Variants in DPP6 observed in about 807,000 individuals in gnomAD.
DPP6 encodes A-type potassium channel modulatory protein DPP6.
Under a neutral mutation model 122.6 loss-of-function variants are expected in DPP6, and 69 were observed. The ratio of observed to expected loss-of-function variants is 0.56; its 90% CI spans 0.46 to 0.69. The LOEUF is 0.69. DPP6 is among the 30% of genes least tolerant of loss of function. DPP6 has a pLI of 0.00. For missense variants in DPP6, 928 were observed against 1,116.9 expected, an observed-to-expected ratio of 0.83 and a Z score of 2.41; for synonymous variants, 418 against 433.1, an observed-to-expected ratio of 0.97 and a Z score of 0.43.
At chr7:153,890,476 G>A (rs762886018) in intron 1 of DPP6, among the ~76,000 whole-genome samples, 19 of 152,194 alleles carry the variant, frequency 1.2e-4, no homozygotes, top group South Asian at 4.2e-4. Context: ...CCTCCCGGCT[G>A]GTCCTTGCCA....
the DPP6 span, among the ~76,000 whole-genome samples, chr7:153,808,873 A>T: frequency 6.6e-6 from 1 of 152,064 alleles, no homozygotes. Flanking sequence ...TCTCTTTGAG[A>T]TAATGATTTC....
intron 16 of DPP6, among the ~76,000 whole-genome samples, chr7:154,843,016 G>A (rs1801673682): frequency 6.6e-6 from 1 of 152,212 alleles, no homozygotes; most frequent in Non-Finnish European, 1.5e-5. Context: ...GTGAATTTGG[G>A]AACACGCACA....
the DPP6 span, among the ~76,000 whole-genome samples, chr7:153,811,537 G>A: frequency 1.3e-5 from 2 of 152,136 alleles, no homozygotes; most frequent in East Asian, 1.9e-4. Context: ...ACTTCTTCAG[G>A]GACCCTCTGC....
At chr7:154,537,991 A>G (rs1828401098) in intron 3 of DPP6, among the ~76,000 whole-genome samples, 2 of 152,246 alleles carry the variant, frequency 1.3e-5, no homozygotes, top group South Asian at 2.1e-4. Flanking sequence ...ATATGATATA[A>G]TATAAATTAC....
chr7:154,878,983 AC>A (rs1805115022), intron 20 of DPP6, among the ~76,000 whole-genome samples: 1 of 152,222 alleles, frequency 6.6e-6, no homozygotes, highest in Non-Finnish European at 1.5e-5. Flanking sequence ...AGTGAAAGAT[AC>A]TGAAAACACA....
rs574291908 is a variant in DPP6, at chr7:154,377,252, A to T, written c.244-68962A>T. ...ACAGTGCCGGAGGAAATGTTCCAAGAAGAGGGAAGAGCAAATTCTAGAATC... is the reference window on the plus strand; with the variant it reads ...ACAGTGCCGGAGGAAATGTTCCAAGTAGAGGGAAGAGCAAATTCTAGAATC... On this transcript the variant is annotated intron_variant, in intron 1 of 25. Coordinates refer to ENST00000377770, the MANE Select transcript of DPP6 (RefSeq NM_130797.4). Among the ~76,000 whole-genome samples, 7 of 152,284 alleles carry T rather than the reference A, an allele frequency of 4.6e-5. No individual in the cohort carries two copies. In the South Asian group the frequency reaches 1.5e-3, roughly 32 times the overall value.
At chr7:154,572,499 T>C (rs1361582784) in intron 5 of DPP6, among the ~76,000 whole-genome samples, 1 of 146,764 alleles carries the variant, frequency 6.8e-6, no homozygotes, top group Non-Finnish European at 1.5e-5. Context: ...GAGTTTCTTT[T>C]TTTTTCTTTT....
intron 3 of DPP6, among the ~76,000 whole-genome samples, chr7:154,494,433 T>C (rs1401537972): frequency 6.7e-6 from 1 of 149,514 alleles, no homozygotes; most frequent in African/African-American, 2.4e-5. Flanking sequence ...TATATATATG[T>C]ATATCACTTG....
chr7:154,867,571 T>C (rs1048293535), intron 17 of DPP6, among the ~76,000 whole-genome samples: 1 of 152,252 alleles, frequency 6.6e-6, no homozygotes, highest in African/African-American at 2.4e-5. Context: ...ATAAAGATGA[T>C]ACCCTAGTTT....
At chr7:154,703,550 C>A (rs1276704380) in intron 7 of DPP6, among the ~76,000 whole-genome samples, 1 of 148,086 alleles carries the variant, frequency 6.8e-6, no homozygotes, top group Admixed American at 6.9e-5. Context: ...ACCCAGGAGG[C>A]AGAGATTGCA....
chr7:154,524,453 A>C (rs1324695191), intron 3 of DPP6, among the ~76,000 whole-genome samples: 4 of 152,202 alleles, frequency 2.6e-5, no homozygotes, highest in Admixed American at 6.5e-5. Context: ...GGCTGTTGGC[A>C]GGTGGTGGTT....
chr7:154,659,468 T>C (rs1279148064), intron 6 of DPP6, among the ~76,000 whole-genome samples: 2 of 152,228 alleles, frequency 1.3e-5, no homozygotes, highest in African/African-American at 4.8e-5. Flanking sequence ...ATTTACCAGT[T>C]TATCAATGAA....
chr7:154,012,283 C>T (rs1047120113), intron 1 of DPP6, among the ~76,000 whole-genome samples: 1 of 152,130 alleles, frequency 6.6e-6, no homozygotes, highest in African/African-American at 2.4e-5. Context: ...AAAACTAAAA[C>T]TATTAAATTT....
At chr7:154,214,841 C>A (rs1394966090) in intron 1 of DPP6, among the ~76,000 whole-genome samples, 2 of 152,074 alleles carry the variant, frequency 1.3e-5, no homozygotes, top group Non-Finnish European at 1.5e-5. Context: ...TGGCTTGAGT[C>A]CAGAAAGTCA....
chr7:154,411,519 G>A, intron 1 of DPP6, among the ~76,000 whole-genome samples: 1 of 152,162 alleles, frequency 6.6e-6, no homozygotes, highest in East Asian at 1.9e-4. Flanking sequence ...GAGATTACAG[G>A]CATGAGCCAC....
At chr7:154,334,025 T>C (rs1317958565) in intron 1 of DPP6, among the ~76,000 whole-genome samples, 2 of 152,190 alleles carry the variant, frequency 1.3e-5, no homozygotes, top group Non-Finnish European at 2.9e-5. Context: ...AAATACAAAA[T>C]AATTTCAGCT....
chr7:153,920,403 G>A (rs1347023967), intron 1 of DPP6, among the ~76,000 whole-genome samples: 1 of 152,068 alleles, frequency 6.6e-6, no homozygotes, highest in Non-Finnish European at 1.5e-5. Flanking sequence ...ATCATTAATA[G>A]AACTGATCTA....
chr7:154,552,434 A>C (rs906080302), intron 4 of DPP6, among the ~76,000 whole-genome samples: 7 of 152,226 alleles, frequency 4.6e-5, no homozygotes, highest in Admixed American at 2.0e-4. Context: ...GCTTCAAAAA[A>C]ATCACAACTT....
chr7:154,570,504 G>A (rs1831039804), intron 5 of DPP6, among the ~76,000 whole-genome samples: 1 of 150,610 alleles, frequency 6.6e-6, no homozygotes, highest in East Asian at 1.9e-4. Context: ...TATTTGTGGT[G>A]TGTGTATATT....
Sources: gnomAD v4.1 joint callset for allele counts (sites outside exome capture counted in the v4.1 genomes callset) on GRCh38, gnomAD v4.1.1 for gene constraint, MANE v1.5 for transcripts, NCBI Gene and HGNC (gene_info 2026-07-23, HGNC 2026-07-21) for gene names.